The following MLLT10 variants were observed in gnomAD, a reference collection of about 807,000 sequenced individuals.
MLLT10 encodes the protein protein AF-10.
In MLLT10, 30 loss-of-function variants were observed where a neutral mutation model predicts 129.1. That is an observed-to-expected ratio of 0.23 (90% CI 0.17 to 0.32). The LOEUF (loss-of-function observed/expected upper bound fraction) is 0.32. Ranked by LOEUF, MLLT10 falls within the 10% of genes least tolerant of loss-of-function variation. The probability of loss-of-function intolerance (pLI) is 1.00; values close to 1 mark genes in which losing one functional copy is unlikely to be tolerated. For synonymous variants in MLLT10, 490 were observed against 446.4 expected, an observed-to-expected ratio of 1.10 and a Z score of -1.23; for missense variants, 1,119 against 1,268.3, an observed-to-expected ratio of 0.88 and a Z score of 1.79.
chr10:21,726,264 TTC>T lies in MLLT10; in HGVS notation c.1904_1905del (p.Leu635GlnfsTer11). ...TTTAGGCAAATACTCTATCTGGATC[TTC>T]TCTCAGTCAGGCACCATCTCATATG... ...TTQANTLSGS[S>X]LSQAPSHMYG... On this transcript the variant is annotated frameshift_variant, in exon 15 of 23. Transcript: ENST00000307729. LOFTEE classifies it high-confidence loss of function. 6.2e-7 allele frequency: 1 copy of T among 1,610,830 alleles called. No individual in the cohort carries two copies. The highest frequency in any genetic ancestry group is 8.5e-7 in the Non-Finnish European group (1 of 1,177,616).
chr10:21,638,446 T>G (rs1028480690), intron 8 of MLLT10, among the ~76,000 whole-genome samples: 1 of 152,064 alleles, frequency 6.6e-6, no homozygotes, highest in Admixed American at 6.5e-5. Context: ...TTAGCTTCCT[T>G]ACCCCCTGAG....
At chr10:21,578,366 C>G (rs1037676405) in intron 3 of MLLT10, among the ~76,000 whole-genome samples, 1 of 152,206 alleles carries the variant, frequency 6.6e-6, no homozygotes, top group Non-Finnish European at 1.5e-5. Context: ...ATCCTGGATA[C>G]AAACTACTTG....
At chr10:21,711,462 C>G (rs972790632) in intron 13 of MLLT10, among the ~76,000 whole-genome samples, 1 of 151,376 alleles carries the variant, frequency 6.6e-6, no homozygotes, top group East Asian at 1.9e-4. Flanking sequence ...GTGGCTCATG[C>G]GTGTGATGCC....
intron 5 of MLLT10, among the ~76,000 whole-genome samples, chr10:21,598,444 T>G (rs1461057335): frequency 1.3e-5 from 2 of 152,212 alleles, no homozygotes; most frequent in African/African-American, 4.8e-5. Flanking sequence ...TTGGTGAGAA[T>G]AATATTTAGA....
chr10:21,684,464 AC>A (rs2053079968), intron 13 of MLLT10, among the ~76,000 whole-genome samples: 1 of 151,982 alleles, frequency 6.6e-6, no homozygotes, highest in Non-Finnish European at 1.5e-5. Flanking sequence ...TAGGAAGTTA[AC>A]TTCAACTCTA....
At chr10:21,670,238 GT>G (rs1157724795) in intron 9 of MLLT10, among the ~76,000 whole-genome samples, 1 of 152,042 alleles carries the variant, frequency 6.6e-6, no homozygotes, top group Admixed American at 6.5e-5. Context: ...TTTAAATTAT[GT>G]AGGCTTTTTC....
chr10:21,726,413 T>C (rs998268854), intron 15 of MLLT10, 58 bp downstream of exon 15: 4 of 1,255,568 alleles, frequency 3.2e-6, no homozygotes, highest in South Asian at 2.6e-5. Flanking sequence ...TTAATTTTTT[T>C]CCCCTTTTGG....
At chr10:21,547,739 A>C (rs1048356372) in intron 3 of MLLT10, among the ~76,000 whole-genome samples, 1 of 151,934 alleles carries the variant, frequency 6.6e-6, no homozygotes, top group Non-Finnish European at 1.5e-5. Context: ...GGGTTTCACC[A>C]TGTTGGCCAG....
chr10:21,691,582 A>G (rs1340270703), intron 13 of MLLT10, among the ~76,000 whole-genome samples: 2 of 152,190 alleles, frequency 1.3e-5, no homozygotes, highest in African/African-American at 2.4e-5. Flanking sequence ...CATGTTGCCA[A>G]TAGTAGAAAA....
At chr10:21,686,522 A>G (rs2053307656) in intron 13 of MLLT10, among the ~76,000 whole-genome samples, 1 of 152,156 alleles carries the variant, frequency 6.6e-6, no homozygotes, top group African/African-American at 2.4e-5. Context: ...TTTGCTTTGT[A>G]TCAATATTAT....
At chr10:21,697,304 A>C (rs968139811) in intron 13 of MLLT10, among the ~76,000 whole-genome samples, 5 of 151,884 alleles carry the variant, frequency 3.3e-5, no homozygotes, top group South Asian at 2.1e-4. Context: ...TGTCTCTACT[A>C]AAAATACAAA....
rs12259399 is a variant in MLLT10, at chr10:21,637,254, C to T, written c.700-14419C>T. 6.5e-3 allele frequency among the ~76,000 whole-genome samples: 987 copies of T among 152,300 alleles called. 18 individuals carry two copies. The highest frequency in any genetic ancestry group is 0.022 in the African/African-American group (927 of 41,554). ...CTTCAGCTTCCTACCTAGCTTCCAA[C>T]ACAGTGTGTGGGTTTTGGGCTACTC... On this transcript the variant is annotated intron_variant, in intron 8 of 22. Transcript: ENST00000307729.
In MLLT10 at chr10:21,743,407, ATTTATT is replaced by A. The variant is rs1192976254; in HGVS notation, c.*1430_*1435del. On this transcript the variant is annotated 3_prime_UTR_variant, in exon 23 of 23. Transcript: ENST00000307729. ...TAGATTTAATTGAAAAGTAAAATTA[ATTTATT>A]TTTATATGTTCAGGGGAATTTTAAA... The A allele has an allele frequency of 5.0e-6, 1 of 199,950 alleles. No homozygotes were observed. The highest frequency in any genetic ancestry group is 1.0e-5 in the Non-Finnish European group (1 of 96,818). 12.4% of individuals were successfully genotyped at this position (199,950 alleles called of 1,614,324 possible). A position where few individuals can be genotyped will look rare whatever the true frequency, so the allele number is the denominator to read the frequency against.
intron 3 of MLLT10, chr10:21,557,948 CTTTTTTTTTTT>C (rs945740582): frequency 1.2e-4 from 13 of 104,446 alleles, no homozygotes; most frequent in Non-Finnish European, 1.8e-4. Context: ...TTTTTTTTTT[CTTTTTTTTTTT>C]TTTTTTTGGA....
intron 14 of MLLT10, among the ~76,000 whole-genome samples, chr10:21,716,554 T>G (rs1484700400): frequency 6.6e-6 from 1 of 151,662 alleles, no homozygotes; most frequent in Non-Finnish European, 1.5e-5. Flanking sequence ...ATTAGCTGGG[T>G]ATGGTGGTTC....
intron 8 of MLLT10, among the ~76,000 whole-genome samples, chr10:21,644,372 C>T (rs936758761): frequency 1.3e-5 from 2 of 151,954 alleles, no homozygotes; most frequent in East Asian, 1.9e-4. Flanking sequence ...AATATTTTCT[C>T]GTTTTTGAGA....
intron 3 of MLLT10, among the ~76,000 whole-genome samples, chr10:21,566,410 C>T (rs2039575791): frequency 6.7e-6 from 1 of 150,342 alleles, no homozygotes; most frequent in East Asian, 2.0e-4. Flanking sequence ...CCCACTGCAA[C>T]CTCTGCCTCC....
At chr10:21,701,480 C>T (rs1212129084) in intron 13 of MLLT10, among the ~76,000 whole-genome samples, 2 of 151,800 alleles carry the variant, frequency 1.3e-5, no homozygotes, top group Non-Finnish European at 2.9e-5. Flanking sequence ...GTTGTTTTTG[C>T]TGTATCACAT....
chr10:21,689,661 A>ATTTT (rs58409865), intron 13 of MLLT10, among the ~76,000 whole-genome samples: 23 of 132,366 alleles, frequency 1.7e-4, no homozygotes, highest in African/African-American at 6.5e-4. Context: ...ATATATATAT[A>ATTTT]TTTTTTTTTT....
Sources: gnomAD v4.1 joint callset for allele counts (sites outside exome capture counted in the v4.1 genomes callset) on GRCh38, gnomAD v4.1.1 for gene constraint, MANE v1.5 for transcripts, NCBI Gene and HGNC (gene_info 2026-07-23, HGNC 2026-07-21) for gene names.